PTOV1: variants seen among roughly 807,000 people sequenced by gnomAD.
PTOV1 encodes prostate tumor-overexpressed gene 1 protein.
PTOV1 carries 20 observed loss-of-function variants against 58.0 expected under a neutral mutation model. The observed-to-expected ratio is 0.34, with a 90% CI of 0.24 to 0.50. PTOV1 has a LOEUF of 0.50. Among genes scored for constraint, PTOV1 ranks in the 20% least tolerant of loss-of-function variants. PTOV1 has a pLI of 0.98. For missense variants in PTOV1, 593 were observed against 565.4 expected (o/e 1.05, Z -0.50); for synonymous variants, 335 against 234.2 (o/e 1.43, Z -3.93).
At chr19:49,853,514 A>T (rs931810018) in intron 1 of PTOV1, among the ~76,000 whole-genome samples, 1 of 151,372 alleles carries the variant, frequency 6.6e-6, no homozygotes, top group Non-Finnish European at 1.5e-5. Context: ...AAAAAAAAAA[A>T]ATTAGCCGGG....
intron 10 of PTOV1, 89 bp from the exon 11 acceptor site, chr19:49,859,897 G>A: frequency 2.8e-6 from 4 of 1,415,852 alleles, no homozygotes; most frequent in Non-Finnish European, 4.0e-6. Context: ...GCTGTGCCTG[G>A]CTCATGGAGC....
At chr19:49,851,384 G>A (rs1439480072) in exon 1 of PTOV1, 5 of 1,160,832 alleles carry the variant, frequency 4.3e-6, no homozygotes, top group South Asian at 4.2e-5. Context: ...CCCCTCGGGG[G>A]TCGCGGCCGC....
Position 49,857,991 on chromosome 19 carries a change from T to G in PTOV1, c.878+14T>G. 1 of 1,613,006 alleles carries G rather than the reference T, an allele frequency of 6.2e-7. No individual in the cohort carries two copies. The highest frequency in any genetic ancestry group is 1.1e-5 in the South Asian group (1 of 90,956). On this transcript the variant is annotated intron_variant, in intron 8 of 11. Coordinates refer to ENST00000391842, the Ensembl canonical transcript of PTOV1. ...GGGGGAGATCCTGTGAGTGCTGGGCTGGGGGGTGGAGGCAGCATCCAGGGG... is the reference window on the plus strand; with the variant it reads ...GGGGGAGATCCTGTGAGTGCTGGGCGGGGGGGTGGAGGCAGCATCCAGGGG...
intron 10 of PTOV1, 185 bp from the exon 11 acceptor site, chr19:49,859,801 C>G (rs2074667039): frequency 1.6e-6 from 1 of 638,916 alleles, no homozygotes; most frequent in East Asian, 2.7e-5. Context: ...GGCCTTTGGC[C>G]CACCCATTGC....
At chr19:49,851,360 C>T (rs1238386145) in exon 1 of PTOV1, 3 of 1,113,620 alleles carry the variant, frequency 2.7e-6, no homozygotes, top group South Asian at 8.6e-5. Context: ...CCGTACCGCT[C>T]CGGCGCCGGG....
chr19:49,854,823 T>C lies in PTOV1; in HGVS notation c.393-8T>C. The C allele has an allele frequency of 6.2e-7, 1 of 1,613,280 alleles. No homozygotes were observed. Among genetic ancestry groups the C allele is most frequent in the South Asian group, 1.1e-5 (1 of 91,086 alleles). On this transcript the variant is annotated splice_polypyrimidine_tract_variant and splice_region_variant and intron_variant, in intron 3 of 11. Transcript: ENST00000391842. ...GGGCAGCCCTTTCTGACCAGCTCCT[T>C]CCCATAGGGAGACCGACCAGTGGCC...
chr19:49,856,932 C>A lies in PTOV1; in HGVS notation c.559-43C>A, dbSNP rs199688971. On this transcript the variant is annotated intron_variant, in intron 5 of 11. Transcript: ENST00000391842. ...GTCCAGGGTGGTGGGGGCACAGTGGCCCCGGGCAGTGACCACAGGGTCCTG... is the reference window on the plus strand; with the variant it reads ...GTCCAGGGTGGTGGGGGCACAGTGGACCCGGGCAGTGACCACAGGGTCCTG... 9.8e-3 allele frequency: 15,710 copies of A among 1,607,042 alleles called. 118 individuals carry two copies. Among genetic ancestry groups the A allele is most frequent in the South Asian group, 0.013 (1,222 of 90,666 alleles).
At chr19:49,854,909 C>T in intron 4 of PTOV1, 21 bp downstream of exon 4, 1 of 1,607,366 alleles carries the variant, frequency 6.2e-7, no homozygotes, top group Non-Finnish European at 8.5e-7. Context: ...CCCCTCCCAC[C>T]CCATCCACTC....
chr19:49,860,488 GC>G, exon 12 of PTOV1: 1 of 751,574 alleles, frequency 1.3e-6, no homozygotes, highest in Non-Finnish European at 2.1e-6. Flanking sequence ...GGAAACTGCA[GC>G]CCAGCCTCAG....
At chr19:49,856,266 A>G (rs1165811879) in intron 5 of PTOV1, 1 of 152,216 alleles carries the variant, frequency 6.6e-6, no homozygotes, top group South Asian at 2.1e-4. Flanking sequence ...TGGGAGGCTG[A>G]CTGTGCATGG....
At chr19:49,857,731 G>C in exon 7 of PTOV1, 1 of 1,614,180 alleles carries the variant, frequency 6.2e-7, no homozygotes, top group South Asian at 1.1e-5. Context: ...GCCCAGTCCA[G>C]ATCGTCAACA....
chr19:49,859,067 C>T (rs937206643), intron 10 of PTOV1: 3 of 161,074 alleles, frequency 1.9e-5, no homozygotes, highest in African/African-American at 4.8e-5. Flanking sequence ...CAGCTGACTC[C>T]TCTTCTCTCT....
At chr19:49,856,812 A>C (rs1354166073) in intron 5 of PTOV1, 163 bp from the exon 6 acceptor site, 15 of 805,448 alleles carry the variant, frequency 1.9e-5, no homozygotes, top group Non-Finnish European at 2.9e-5. Context: ...TGGGCGCTGC[A>C]CGGGCTCTCA....
intron 10 of PTOV1, among the ~76,000 whole-genome samples, chr19:49,859,665 G>A (rs1028335859): frequency 5.3e-5 from 8 of 152,140 alleles, no homozygotes; most frequent in Non-Finnish European, 1.0e-4. Context: ...CAGATCCCTC[G>A]GGCTCCTGAG....
chr19:49,859,841 G>T lies in PTOV1; in HGVS notation c.1042-145G>T, dbSNP rs745371698. 3.2e-4 allele frequency: 263 copies of T among 829,424 alleles called. 1 individual carries two copies. Among genetic ancestry groups the T allele is most frequent in the Non-Finnish European group, 4.4e-4 (226 of 515,300 alleles). 51.4% of individuals were successfully genotyped at this position (829,424 alleles called of 1,614,324 possible). On this transcript the variant is annotated intron_variant, in intron 10 of 11. Coordinates refer to ENST00000391842, the Ensembl canonical transcript of PTOV1. ...GGCCACCGTGTCATCCCAATAAGGG[G>T]GCCCACCTCCAGGGTGGGTGGGGGG...
chr19:49,860,462 C>T (rs544111893), exon 12 of PTOV1: 25 of 924,198 alleles, frequency 2.7e-5, no homozygotes, highest in South Asian at 8.8e-5. Context: ...GCAGTCCCAG[C>T]GGTCCTAGGC....
At chr19:49,855,114 C>T (rs1165461692) in intron 5 of PTOV1, 37 bp downstream of exon 5, 1 of 1,525,496 alleles carries the variant, frequency 6.6e-7, no homozygotes, top group East Asian at 2.4e-5. Flanking sequence ...ACTGTGGTGA[C>T]AAGTACAGCT....
chr19:49,858,963 G>C (rs1213440316), intron 10 of PTOV1: 1 of 271,204 alleles, frequency 3.7e-6, no homozygotes, highest in East Asian at 6.5e-5. Context: ...GGGAGCTTGT[G>C]CCACATCCCA....
At chr19:49,853,520 C>T (rs1197055928) in intron 1 of PTOV1, among the ~76,000 whole-genome samples, 1 of 150,522 alleles carries the variant, frequency 6.6e-6, no homozygotes, top group African/African-American at 2.4e-5. Context: ...AAAAAATTAG[C>T]CGGGCATGAT....
Sources: gnomAD v4.1 joint callset for allele counts (sites outside exome capture counted in the v4.1 genomes callset) on GRCh38, gnomAD v4.1.1 for gene constraint, MANE v1.5 for transcripts, NCBI Gene and HGNC (gene_info 2026-07-23, HGNC 2026-07-21) for gene names.